The following UPF3B variants were observed in gnomAD, a reference collection of about 807,000 sequenced individuals.
The protein encoded by UPF3B is regulator of nonsense transcripts 3B.
Under a neutral mutation model 40.3 loss-of-function variants are expected in UPF3B, and 7 were observed. The observed-to-expected ratio is 0.17, with a 90% CI of 0.10 to 0.33. UPF3B has a LOEUF of 0.33. Ranked by LOEUF, UPF3B falls within the 10% of genes least tolerant of loss-of-function variation. UPF3B has a pLI of 1.00. For synonymous variants in UPF3B, 117 were observed against 117.3 expected, an observed-to-expected ratio of 1.00 and a Z score of 0.01; for missense variants, 229 against 358.9, an observed-to-expected ratio of 0.64 and a Z score of 2.93.
chrX:119,813,635 C>T (rs988352815), intron 5 of UPF3B, among the ~76,000 whole-genome samples: 2 of 105,731 alleles, frequency 1.9e-5, no homozygotes, highest in Non-Finnish European at 3.9e-5. Context: ...TATCTTGGCT[C>T]ACTGCAACTT....
chrX:119,852,578 C>G (rs762607388), intron 1 of UPF3B, among the ~76,000 whole-genome samples, 195 bp downstream of exon 1: 2 of 112,925 alleles, frequency 1.8e-5, no homozygotes, highest in South Asian at 7.2e-4. Flanking sequence ...CTTTTCCTCA[C>G]CCCCACCCAG....
Position 119,834,392 on chromosome X carries a change from T to G in UPF3B, c.*486A>C. On this transcript the variant is annotated 3_prime_UTR_variant, in exon 11 of 11. Coordinates refer to ENST00000276201, the MANE Select transcript of UPF3B (RefSeq NM_080632.3). ...GTTCTATCCTTCACTGTACCTGTAC[T>G]ACAAGGACATGCTTGTTGCTTCTAC... The G allele has an allele frequency of 2.5e-6, 2 of 787,405 alleles. No homozygotes were observed. The highest frequency in any genetic ancestry group is 3.0e-6 in the Non-Finnish European group (2 of 660,011). The allele number at this position is 787,405 out of a possible 1,213,427, so 64.9% of individuals were successfully genotyped here.
intron 4 of UPF3B, among the ~76,000 whole-genome samples, chrX:119,816,647 G>A (rs1184426421): frequency 9.0e-6 from 1 of 111,329 alleles, no homozygotes; most frequent in Non-Finnish European, 1.9e-5. Context: ...TCATGCCTGG[G>A]GGTTCAGGAG....
chrX:119,812,520 T>G (rs150849831), intron 5 of UPF3B, among the ~76,000 whole-genome samples: 1 of 111,592 alleles, frequency 9.0e-6, no homozygotes, highest in African/African-American at 3.3e-5. Context: ...GGCATCATAA[T>G]TGACCATTCA....
chrX:119,815,233 G>C, exon 5 of UPF3B: 1 of 800,215 alleles, frequency 1.2e-6, no homozygotes, highest in Non-Finnish European at 1.5e-6. Flanking sequence ...CTCCAGACTT[G>C]GTTATGTCAT....
At chrX:119,810,318 A>G (rs757892842) in intron 5 of UPF3B, among the ~76,000 whole-genome samples, 1 of 112,434 alleles carries the variant, frequency 8.9e-6, no homozygotes, top group East Asian at 2.8e-4. Context: ...TGCCATTGAA[A>G]GACATGTCAA....
chrX:119,850,122 C>T lies in UPF3B; in HGVS notation c.370+1373G>A, dbSNP rs1256839552. On this transcript the variant is annotated intron_variant, in intron 3 of 10. Transcript: ENST00000276201. ...ACCAGCCTGGGCAACGTAGTGAGAC[C>T]CCATCTCTATAAAAAATTTAAAGAA... Among the ~76,000 whole-genome samples, 3 of 109,737 alleles carry T rather than the reference C, an allele frequency of 2.7e-5. No individual in the cohort carries two copies. In the East Asian group the frequency reaches 8.5e-4, roughly 31 times the overall value.
intron 7 of UPF3B, 98 bp from the exon 8 acceptor site, chrX:119,840,782 G>T: frequency 1.1e-6 from 1 of 874,968 alleles, no homozygotes; most frequent in Non-Finnish European, 1.7e-6. Context: ...CCAGCCCTAA[G>T]CCCTCATTTA....
In UPF3B at chrX:119,834,720, T is replaced by A; in HGVS notation, c.*158A>T. The A allele has an allele frequency of 8.7e-7, 1 of 1,151,527 alleles. No homozygotes were observed. Among genetic ancestry groups the A allele is most frequent in the Non-Finnish European group, 1.1e-6 (1 of 869,670 alleles). 94.9% of individuals were successfully genotyped at this position (1,151,527 alleles called of 1,213,427 possible). On this transcript the variant is annotated 3_prime_UTR_variant, in exon 11 of 11. Coordinates refer to ENST00000276201, the MANE Select transcript of UPF3B (RefSeq NM_080632.3). The stretch of plus-strand genomic sequence containing the variant: ...TTCCAATTCTGAACCTCTGATCAGA[T>A]TCCTGCTTTGACACAAGACTTACTC...
chrX:119,826,160 C>CA (rs1228405011), intron 3 of UPF3B, among the ~76,000 whole-genome samples: 1 of 107,529 alleles, frequency 9.3e-6, no homozygotes, highest in African/African-American at 3.4e-5. Flanking sequence ...GACTCTGTCT[C>CA]AAAAAAAGAA....
At chrX:119,807,355 T>C in intron 6 of UPF3B, 1 of 837,661 alleles carries the variant, frequency 1.2e-6, no homozygotes, top group South Asian at 3.8e-5. Context: ...TTCTTTGCCC[T>C]GAAGGCACTT....
At chrX:119,812,778 G>T (rs1478736127) in intron 5 of UPF3B, among the ~76,000 whole-genome samples, 1 of 111,501 alleles carries the variant, frequency 9.0e-6, no homozygotes, top group South Asian at 3.8e-4. Flanking sequence ...CACCTAAAAA[G>T]AGATGAATTC....
chrX:119,826,850 G>A (rs1008908883), intron 3 of UPF3B, among the ~76,000 whole-genome samples: 1 of 112,072 alleles, frequency 8.9e-6, no homozygotes, highest in East Asian at 2.8e-4. Flanking sequence ...CCAAAGAGGT[G>A]AAAGTGATCC....
Position 119,821,479 on chromosome X carries a change from AC to A in UPF3B, c.494+1462del, listed in dbSNP as rs2055917966. 2.7e-5 allele frequency among the ~76,000 whole-genome samples: 3 copies of A among 112,697 alleles called. 1 individual carries two copies. The South Asian group carries it at 1.1e-3, about 40-fold the overall frequency. On this transcript the variant is annotated intron_variant, in intron 4 of 6. Transcript: ENST00000636792. ...CTTTTGATACTTCCAAGAGGCTAAT[AC>A]AGTATAAAAAATTTAATTTCTCAAA...
chrX:119,833,999 T>C, downstream of UPF3B: 1 of 749,708 alleles, frequency 1.3e-6, no homozygotes, highest in Non-Finnish European at 1.6e-6. Context: ...AGCTATTTAG[T>C]AAAGTTAATA....
downstream of UPF3B, chrX:119,831,816 G>A: frequency 2.1e-6 from 1 of 474,343 alleles, no homozygotes; most frequent in Non-Finnish European, 2.6e-6. Context: ...TTTTACATGG[G>A]ATTTTCTTTA....
At chrX:119,851,005 G>A (rs1401754269) in intron 3 of UPF3B, among the ~76,000 whole-genome samples, 2 of 112,214 alleles carry the variant, frequency 1.8e-5, no homozygotes, top group Non-Finnish European at 3.8e-5. Context: ...ATCCCAAAGT[G>A]CTGGGATAAC....
rs142524725 is a variant in UPF3B at position 119,813,987 on chromosome X, C to T, written c.602+1213G>A. Among the ~76,000 whole-genome samples, 35 of 111,750 alleles carry T rather than the reference C, an allele frequency of 3.1e-4. No homozygotes were observed. The East Asian group carries it at 4.2e-3, about 13-fold the overall frequency. ...GGTGGACAAAACAAAGGCATGCTAG[C>T]GAAGGCAGAAACTAATATCATTCAT... On this transcript the variant is annotated intron_variant, in intron 5 of 6. Coordinates refer to the UPF3B transcript ENST00000636792.
At chrX:119,831,619 T>G (rs1484752585), downstream of UPF3B, 2 of 690,648 alleles carry the variant, frequency 2.9e-6, no homozygotes, top group African/African-American at 2.4e-5. Flanking sequence ...ACGCCTGGCC[T>G]CCTCCTTCTT....
Sources: allele counts gnomAD v4.1 joint callset (sites outside exome capture counted in the v4.1 genomes callset), GRCh38; gene constraint gnomAD v4.1.1; transcripts MANE v1.5; gene names NCBI Gene and HGNC (gene_info 2026-07-23, HGNC 2026-07-21).